The following RAB3GAP2 variants were observed in gnomAD, a reference collection of about 807,000 sequenced individuals.
RAB3GAP2 encodes the protein RAB3 GTPase activating non-catalytic protein subunit 2.
Under a neutral mutation model 185.3 loss-of-function variants are expected in RAB3GAP2, and 87 were observed. That is an observed-to-expected ratio of 0.47 (90% CI 0.39 to 0.56). The LOEUF is 0.56. RAB3GAP2 is among the 20% of genes least tolerant of loss of function. RAB3GAP2 has a pLI of 0.00. For synonymous variants in RAB3GAP2, 554 were observed against 576.1 expected, an observed-to-expected ratio of 0.96 and a Z score of 0.55; for missense variants, 1,492 against 1,638.2, an observed-to-expected ratio of 0.91 and a Z score of 1.54.
chr1:220,263,048 G>A (rs1363120989), intron 1 of RAB3GAP2, among the ~76,000 whole-genome samples: 2 of 151,006 alleles, frequency 1.3e-5, no homozygotes, highest in East Asian at 4.4e-4. Context: ...CTGATGATTA[G>A]TGATGTTAAG....
intron 2 of RAB3GAP2, among the ~76,000 whole-genome samples, chr1:220,227,514 C>T (rs749464629): frequency 3.3e-5 from 5 of 152,100 alleles, no homozygotes; most frequent in South Asian, 2.1e-4. Flanking sequence ...GTGTTTTTGC[C>T]GAACTCAGTA....
At chr1:220,190,884 AT>A (rs535252891) in intron 14 of RAB3GAP2, among the ~76,000 whole-genome samples, 183 bp downstream of exon 14, 155 of 147,186 alleles carry the variant, frequency 1.1e-3, no homozygotes, top group East Asian at 2.4e-3. Context: ...GGCATTTTTA[AT>A]TTTTTTTTTT....
At chr1:220,252,567 G>A (rs1448692658) in intron 1 of RAB3GAP2, among the ~76,000 whole-genome samples, 3 of 152,242 alleles carry the variant, frequency 2.0e-5, no homozygotes, top group Non-Finnish European at 4.4e-5. Context: ...AGGGAGTGGA[G>A]GGGGCGACGG....
At chr1:220,213,661 AAAAC>A (rs1477022033) in intron 3 of RAB3GAP2, among the ~76,000 whole-genome samples, 191 bp downstream of exon 3, 3 of 139,584 alleles carry the variant, frequency 2.1e-5, no homozygotes, top group Non-Finnish European at 4.6e-5. Context: ...AAAAAGGGAG[AAAAC>A]AAACAGAATG....
chr1:220,227,107 G>A (rs374673979), intron 2 of RAB3GAP2, among the ~76,000 whole-genome samples: 4 of 152,198 alleles, frequency 2.6e-5, no homozygotes, highest in Non-Finnish European at 4.4e-5. Flanking sequence ...GTCACCTAGC[G>A]TGTGGTACAC....
chr1:220,162,710 T>C (rs1255768212), intron 27 of RAB3GAP2, among the ~76,000 whole-genome samples: 14 of 152,196 alleles, frequency 9.2e-5, no homozygotes, highest in Admixed American at 8.5e-4. Flanking sequence ...CTACTGAAGC[T>C]AAACATGTGT....
intron 24 of RAB3GAP2, among the ~76,000 whole-genome samples, chr1:220,170,536 A>G (rs1396396058): frequency 1.3e-5 from 2 of 152,132 alleles, no homozygotes; most frequent in Non-Finnish European, 2.9e-5. Flanking sequence ...GGATTCTCCA[A>G]TCAGTTTTGC....
At chr1:220,155,602 C>G (rs1657843024) in intron 31 of RAB3GAP2, among the ~76,000 whole-genome samples, 2 of 152,176 alleles carry the variant, frequency 1.3e-5, no homozygotes, top group Admixed American at 6.5e-5. Context: ...TTACAACAAC[C>G]ATGAGGCTGG....
rs185870826 is a variant in RAB3GAP2, at chr1:220,253,478, C to T, written c.115+18745G>A. The T allele has an allele frequency of 1.3e-3, 1,972 of 1,486,228 alleles. 25 individuals are homozygous for T. The East Asian group carries it at 0.026, about 20-fold the overall frequency. 92.1% of individuals were successfully genotyped at this position (1,486,228 alleles called of 1,614,324 possible). A position where few individuals can be genotyped will look rare whatever the true frequency, so the allele number is the denominator to read the frequency against. Reference sequence around the variant, plus strand: ...AGGATGTAGAGCTGGCAGTGCCTGACGGCGCGTCTGACGCGGAGTTGGGTG... The same window carrying T: ...AGGATGTAGAGCTGGCAGTGCCTGATGGCGCGTCTGACGCGGAGTTGGGTG... On this transcript the variant is annotated intron_variant, in intron 1 of 34. Transcript: ENST00000358951.
intron 2 of RAB3GAP2, among the ~76,000 whole-genome samples, chr1:220,221,064 C>T (rs530641692): frequency 6.6e-6 from 1 of 152,272 alleles, no homozygotes; most frequent in Non-Finnish European, 1.5e-5. Flanking sequence ...AGTTATTATA[C>T]CACAACCGCT....
intron 17 of RAB3GAP2, among the ~76,000 whole-genome samples, chr1:220,186,327 T>C (rs1324253668): frequency 6.6e-6 from 1 of 152,212 alleles, no homozygotes; most frequent in African/African-American, 2.4e-5. Flanking sequence ...GTCATATTTA[T>C]CCTTTCATAT....
chr1:220,271,716 T>G (rs1660336007), intron 1 of RAB3GAP2, among the ~76,000 whole-genome samples: 1 of 151,722 alleles, frequency 6.6e-6, no homozygotes, highest in Non-Finnish European at 1.5e-5. Flanking sequence ...GGGGGGATGA[T>G]CAACACTTTC....
At chr1:220,189,917 C>T (rs1340228698) in intron 16 of RAB3GAP2, 147 bp downstream of exon 16, 3 of 1,051,796 alleles carry the variant, frequency 2.9e-6, no homozygotes, top group Non-Finnish European at 4.2e-6. Flanking sequence ...TGAATTATAA[C>T]ACCCTCTAGA....
At chr1:220,266,438 G>A (rs1558176625) in intron 1 of RAB3GAP2, 3 of 468,736 alleles carry the variant, frequency 6.4e-6, no homozygotes, top group Non-Finnish European at 1.2e-5. Context: ...AGACTGATGG[G>A]GTGGCTGCAG....
intron 3 of RAB3GAP2, 99 bp downstream of exon 3, chr1:220,213,757 A>C: frequency 7.9e-7 from 1 of 1,262,118 alleles, no homozygotes; most frequent in Non-Finnish European, 1.1e-6. Flanking sequence ...AGAGAGAGAA[A>C]TAAATAAATA....
chr1:220,221,029 A>G (rs1353824674), intron 2 of RAB3GAP2, among the ~76,000 whole-genome samples: 1 of 152,204 alleles, frequency 6.6e-6, no homozygotes, highest in Non-Finnish European at 1.5e-5. Context: ...CCACTTGAGT[A>G]TCTTGAAAAT....
At chr1:220,210,575 C>G (rs1659062155) in intron 6 of RAB3GAP2, 86 bp from the exon 7 acceptor site, 1 of 1,130,466 alleles carries the variant, frequency 8.8e-7, no homozygotes, top group African/African-American at 1.5e-5. Context: ...TACCATTTCC[C>G]CAACAGTTTT....
At chr1:220,157,197 T>C in intron 31 of RAB3GAP2, 73 bp downstream of exon 31, 1 of 1,310,094 alleles carries the variant, frequency 7.6e-7, no homozygotes, top group East Asian at 2.4e-5. Context: ...ACAGCTTCTA[T>C]TAAATATGAA....
chr1:220,190,894 T>G (rs1024268713), intron 14 of RAB3GAP2, among the ~76,000 whole-genome samples, 174 bp downstream of exon 14: 13 of 152,174 alleles, frequency 8.5e-5, no homozygotes, highest in African/African-American at 2.2e-4. Context: ...ATTTTTTTTT[T>G]TTGTTATTAA....
Sources: gnomAD v4.1 joint callset for allele counts (sites outside exome capture counted in the v4.1 genomes callset) on GRCh38, gnomAD v4.1.1 for gene constraint, MANE v1.5 for transcripts, NCBI Gene and HGNC (gene_info 2026-07-23, HGNC 2026-07-21) for gene names.